Variants in FAM13A observed in about 807,000 individuals in gnomAD.
The protein encoded by FAM13A is protein FAM13A.
Under a neutral mutation model 129.6 loss-of-function variants are expected in FAM13A, and 76 were observed. The ratio of observed to expected loss-of-function variants is 0.59; its 90% CI spans 0.49 to 0.71. The LOEUF (loss-of-function observed/expected upper bound fraction) is 0.71, where lower values mean the gene tolerates loss of function less well. FAM13A is among the 30% of genes least tolerant of loss of function. FAM13A has a pLI of 0.00. For synonymous variants in FAM13A, 443 were observed against 449.9 expected (o/e 0.98, Z 0.20); for missense variants, 1,108 against 1,249.3 (o/e 0.89, Z 1.70).
chr4:88,889,657 C>T (rs559044661), intron 6 of FAM13A, among the ~76,000 whole-genome samples: 1 of 152,250 alleles, frequency 6.6e-6, no homozygotes, highest in South Asian at 2.1e-4. Context: ...GGATAAGTAT[C>T]ACTTCTGTGC....
chr4:88,746,424 C>T (rs918491270), intron 19 of FAM13A, among the ~76,000 whole-genome samples: 2 of 152,204 alleles, frequency 1.3e-5, no homozygotes, highest in African/African-American at 4.8e-5. Context: ...GGATTCCTCA[C>T]GCTTCTGGTT....
At position 88,747,708 on chromosome 4, in the gene FAM13A, C is replaced by A. The variant is rs7657817; in HGVS notation, c.2305G>T (p.Val769Phe). Residue 769 changes from valine (V) to phenylalanine (F), a missense_variant, in exon 18 of 24, where the codon GTT becomes TTT. This residue lies in a region of FAM13A where 529 missense variants were observed against 621.2 expected (regional missense o/e 0.85). Transcript: ENST00000264344. ...ELVDKAIKPSVEATLESIQRK... is the reference protein window; with the variant it reads ...ELVDKAIKPSFEATLESIQRK... ...TGAATAGATTCCAATGTGGCTTCAA[C>A]ACTGGGCTTTATTGCTTTATCCACC... 1 of 1,613,512 alleles carries A rather than the reference C, an allele frequency of 6.2e-7. No homozygotes were observed. Among genetic ancestry groups the A allele is most frequent in the African/African-American group, 1.3e-5 (1 of 74,828 alleles).
At chr4:88,932,000 T>C (rs1404039814) in intron 5 of FAM13A, among the ~76,000 whole-genome samples, 3 of 152,164 alleles carry the variant, frequency 2.0e-5, no homozygotes, top group Non-Finnish European at 4.4e-5. Flanking sequence ...AAGGTTCTAA[T>C]ATTCTTGAGG....
intron 1 of FAM13A, among the ~76,000 whole-genome samples, chr4:89,030,703 G>A (rs1355751844): frequency 1.3e-5 from 2 of 152,150 alleles, no homozygotes. Flanking sequence ...GAACTAGTAA[G>A]AGACAGTTTC....
chr4:88,803,139 C>T (rs926609606), intron 8 of FAM13A, among the ~76,000 whole-genome samples: 2 of 152,134 alleles, frequency 1.3e-5, no homozygotes, highest in Non-Finnish European at 2.9e-5. Flanking sequence ...GCAGACGTGT[C>T]TTATGTCTTG....
At chr4:88,850,408 T>C (rs1241038277) in intron 7 of FAM13A, among the ~76,000 whole-genome samples, 1 of 151,600 alleles carries the variant, frequency 6.6e-6, no homozygotes, top group Non-Finnish European at 1.5e-5. Context: ...TACAAAAAAA[T>C]TAGCCGGGCA....
At chr4:88,748,876 A>G in intron 17 of FAM13A, 76 bp downstream of exon 17, 1 of 1,003,524 alleles carries the variant, frequency 1.0e-6, no homozygotes, top group Non-Finnish European at 1.6e-6. Flanking sequence ...TAGCAGTGGC[A>G]CTCAGTGGGA....
At chr4:89,047,009 G>A (rs920811795) in intron 1 of FAM13A, among the ~76,000 whole-genome samples, 4 of 152,190 alleles carry the variant, frequency 2.6e-5, no homozygotes, top group African/African-American at 7.2e-5. Flanking sequence ...AAGGCAATTT[G>A]GCAGTGCCCA....
intron 4 of FAM13A, among the ~76,000 whole-genome samples, chr4:88,977,898 A>G (rs1457730877): frequency 6.6e-6 from 1 of 152,196 alleles, no homozygotes; most frequent in African/African-American, 2.4e-5. Context: ...AAATAACTGA[A>G]CATCTAGAGG....
At chr4:88,917,525 A>G (rs1750308755) in intron 5 of FAM13A, among the ~76,000 whole-genome samples, 2 of 152,182 alleles carry the variant, frequency 1.3e-5, no homozygotes, top group Admixed American at 6.5e-5. Context: ...GAAACTTTTA[A>G]TTACTGCTGC....
intron 4 of FAM13A, among the ~76,000 whole-genome samples, chr4:88,962,461 A>T (rs555238062): frequency 5.3e-5 from 8 of 152,320 alleles, no homozygotes; most frequent in African/African-American, 1.9e-4. Flanking sequence ...GAGGAAAGAA[A>T]GGAGGTGGGA....
chr4:88,971,969 A>G (rs186102074), intron 4 of FAM13A, among the ~76,000 whole-genome samples: 28 of 152,252 alleles, frequency 1.8e-4, no homozygotes, highest in African/African-American at 6.5e-4. Flanking sequence ...TCCTTCAATA[A>G]CAATAATCCT....
intron 7 of FAM13A, among the ~76,000 whole-genome samples, chr4:88,810,688 T>C (rs1294201617): frequency 1.3e-5 from 2 of 152,140 alleles, no homozygotes; most frequent in African/African-American, 2.4e-5. Flanking sequence ...CATACTGACA[T>C]GGGGATTTGG....
intron 3 of FAM13A, among the ~76,000 whole-genome samples, chr4:89,000,124 T>C (rs893166675): frequency 6.6e-6 from 1 of 152,170 alleles, no homozygotes; most frequent in Non-Finnish European, 1.5e-5. Context: ...AAGCCTATAA[T>C]CTTTCTAAAA....
At chr4:88,815,278 A>AT (rs1730507153) in intron 7 of FAM13A, among the ~76,000 whole-genome samples, 1 of 152,104 alleles carries the variant, frequency 6.6e-6, no homozygotes, top group African/African-American at 2.4e-5. Flanking sequence ...AGGCACCTTA[A>AT]TTTTAAAGAG....
intron 3 of FAM13A, among the ~76,000 whole-genome samples, chr4:88,999,606 A>T (rs1763984808): frequency 6.6e-6 from 1 of 152,198 alleles, no homozygotes; most frequent in Non-Finnish European, 1.5e-5. Flanking sequence ...TTTTCTAGGC[A>T]CTACTGGTTA....
intron 3 of FAM13A, among the ~76,000 whole-genome samples, chr4:89,000,912 A>G (rs1196772379): frequency 6.6e-6 from 1 of 152,274 alleles, no homozygotes; most frequent in African/African-American, 2.4e-5. Context: ...AAAACATGAC[A>G]GTAGATGGAA....
intron 10 of FAM13A, among the ~76,000 whole-genome samples, chr4:88,784,315 T>C (rs967363003): frequency 2.0e-5 from 3 of 152,220 alleles, no homozygotes; most frequent in Admixed American, 1.3e-4. Flanking sequence ...CAATTATCAC[T>C]GTTGAAGACT....
chr4:88,843,549 G>A (rs150931784), intron 7 of FAM13A, among the ~76,000 whole-genome samples: 1 of 152,256 alleles, frequency 6.6e-6, no homozygotes, highest in Non-Finnish European at 1.5e-5. Context: ...AGTTATGACT[G>A]CATTTTTGCT....
Sources: gnomAD v4.1 joint callset for allele counts (sites outside exome capture counted in the v4.1 genomes callset) on GRCh38, gnomAD v4.1.1 for gene constraint, gnomAD v4.1.1 regional missense constraint, MANE v1.5 for transcripts, NCBI Gene and HGNC (gene_info 2026-07-23, HGNC 2026-07-21) for gene names.